The following GPIHBP1 variants were observed in gnomAD, a reference collection of about 807,000 sequenced individuals.
The protein encoded by GPIHBP1 is glycosylphosphatidylinositol-anchored high density lipoprotein-binding protein 1.
GPIHBP1 carries 11 observed loss-of-function variants against 13.0 expected under a neutral mutation model. The observed-to-expected ratio is 0.84, with a 90% CI of 0.53 to 1.40. The LOEUF is 1.40. Ranked by LOEUF, GPIHBP1 falls within the 40% of genes most tolerant of loss-of-function variation. GPIHBP1 has a pLI of 0.00. For synonymous variants in GPIHBP1, 106 were observed against 102.2 expected (o/e 1.04, Z -0.22); for missense variants, 231 against 241.1 (o/e 0.96, Z 0.28).
intron 1 of GPIHBP1, 21 bp downstream of exon 1, chr8:143,213,340 C>A (rs1352987967): frequency 1.9e-6 from 3 of 1,583,574 alleles, no homozygotes; most frequent in African/African-American, 2.7e-5. Flanking sequence ...AAGGGTAACC[C>A]TGCGGTGAGG....
chr8:143,215,442 G>A lies in GPIHBP1; in HGVS notation c.479G>A (p.Ser160Asn). ...AAGGGGGCAGGCGGCCCCCGGGGCA[G>A]CTCCGAAACTGTGGGCGCAGCCCTC... ...TGKGAGGPRG[S>N]SETVGAALLL... The change falls in exon 4 of 4, where the codon AGC becomes AAC. Residue 160 changes from serine to asparagine, a missense_variant. Ser to Asn is a conservative substitution (Grantham distance 46). Transcript: ENST00000622500. 1 of 1,612,538 alleles carries A rather than the reference G, an allele frequency of 6.2e-7. No individual in the cohort carries two copies. The highest frequency in any genetic ancestry group is 8.5e-7 in the Non-Finnish European group (1 of 1,179,934).
chr8:143,214,053 T>G lies in GPIHBP1; in HGVS notation c.181+103T>G. On this transcript the variant is annotated intron_variant, in intron 2 of 3. Transcript: ENST00000622500. This position sits in a 1 kb window ranked among gnomAD's most constrained non-coding sequence, Gnocchi z 4.1. Reference sequence around the variant, plus strand: ...AGCAGGCCACAGTCCTGCTGTGAGCTTGCCTCCAGCAGAGTGGGGGACACT... The same window carrying G: ...AGCAGGCCACAGTCCTGCTGTGAGCGTGCCTCCAGCAGAGTGGGGGACACT... 6.9e-7 allele frequency: 1 copy of G among 1,451,324 alleles called. No individual in the cohort carries two copies. The highest frequency in any genetic ancestry group is 1.4e-5 in the African/African-American group (1 of 71,138). 89.9% of individuals were successfully genotyped at this position (1,451,324 alleles called of 1,614,324 possible).
chr8:143,213,232 G>T lies in GPIHBP1; in HGVS notation c.-36G>T. 6.4e-7 allele frequency: 1 copy of T among 1,574,464 alleles called. No homozygotes were observed. On this transcript the variant is annotated 5_prime_UTR_variant, in exon 1 of 4. It adds an upstream start codon to the 5' untranslated region. Transcript: ENST00000622500. ...ACCGCAGCTCCAGAGCCCTGCGGGA[G>T]GACTCAGAGTCAGGGACACAGCAGC...
intron 1 of GPIHBP1, 23 bp from the exon 2 acceptor site, chr8:143,213,799 T>A: frequency 6.4e-7 from 1 of 1,574,788 alleles, no homozygotes; most frequent in Non-Finnish European, 8.6e-7. Context: ...AGCTGAGGCT[T>A]ACAAGCATCC....
At position 143,216,682 on chromosome 8, in the gene GPIHBP1, C is replaced by T. The variant is rs949416044; in HGVS notation, c.*1164C>T. 6.6e-6 allele frequency: 1 copy of T among 152,210 alleles called. No homozygotes were observed. The highest frequency in any genetic ancestry group is 1.5e-5 in the Non-Finnish European group (1 of 68,060). 9.4% of individuals were successfully genotyped at this position (152,210 alleles called of 1,614,324 possible). A position where few individuals can be genotyped will look rare whatever the true frequency, so the allele number is the denominator to read the frequency against. Reference sequence around the variant, plus strand: ...CCTTCACCAGTAGCTGGTGCCAGGACAGAGCTCTGGGACAGCAGGCAGAGG... The same window carrying T: ...CCTTCACCAGTAGCTGGTGCCAGGATAGAGCTCTGGGACAGCAGGCAGAGG... On this transcript the variant is annotated 3_prime_UTR_variant, in exon 4 of 4. Transcript: ENST00000622500.
At position 143,215,137 on chromosome 8, in the gene GPIHBP1, G is replaced by T. The variant is rs377573186; in HGVS notation, c.295+11G>T. 6.2e-7 allele frequency: 1 copy of T among 1,609,986 alleles called. No homozygotes were observed. The highest frequency in any genetic ancestry group is 2.2e-5 in the East Asian group (1 of 44,856). ...CCCACGGGAACACCGGTAAGTGGGC[G>T]TGGGGCCGCAGCACATGCACCCCCA... On this transcript the variant is annotated intron_variant, in intron 3 of 3. Coordinates refer to ENST00000622500, the MANE Select transcript of GPIHBP1 (RefSeq NM_178172.6).
chr8:143,215,628 G>C lies in GPIHBP1; in HGVS notation c.*110G>C. 1.0e-6 allele frequency: 1 copy of C among 989,376 alleles called. No individual in the cohort carries two copies. Among genetic ancestry groups the C allele is most frequent in the Non-Finnish European group, 1.5e-6 (1 of 682,860 alleles). 61.3% of individuals were successfully genotyped at this position (989,376 alleles called of 1,614,324 possible). ...CAGCTTTGGAGAATGGATTTGGAGT[G>C]TCTTGGGCGATCCAGCCAGCGCAGG... On this transcript the variant is annotated 3_prime_UTR_variant, in exon 4 of 4. Transcript: ENST00000622500.
In GPIHBP1 at chr8:143,215,554, C is replaced by T; in HGVS notation, c.*36C>T. Reference sequence around the variant, plus strand: ...CTCCCCACCCCCACCCGGCTCACCCCCGGCCCTGCCAGCACTCTGTCTGGT... The same window carrying T: ...CTCCCCACCCCCACCCGGCTCACCCTCGGCCCTGCCAGCACTCTGTCTGGT... On this transcript the variant is annotated 3_prime_UTR_variant, in exon 4 of 4. Coordinates refer to ENST00000622500, the MANE Select transcript of GPIHBP1 (RefSeq NM_178172.6). The T allele has an allele frequency of 6.7e-7, 1 of 1,501,702 alleles. No homozygotes were observed. Among genetic ancestry groups the T allele is most frequent in the Non-Finnish European group, 8.9e-7 (1 of 1,118,328 alleles). 93.0% of individuals were successfully genotyped at this position (1,501,702 alleles called of 1,614,324 possible). A position where few individuals can be genotyped will look rare whatever the true frequency, so the allele number is the denominator to read the frequency against.
rs1563711594 is a variant in GPIHBP1, at chr8:143,213,243, CAG to C, written c.-24_-23del. The C allele has an allele frequency of 6.3e-7, 1 of 1,584,906 alleles. No individual in the cohort carries two copies. The highest frequency in any genetic ancestry group is 1.8e-5 in the Admixed American group (1 of 54,624). On this transcript the variant is annotated 5_prime_UTR_variant, in exon 1 of 4. Transcript: ENST00000622500. ...AGAGCCCTGCGGGAGGACTCAGAGT[CAG>C]GGACACAGCAGCGTCCGGCGAGATG... is the stretch of plus-strand genomic sequence containing the variant.
In GPIHBP1 at chr8:143,215,126, G is replaced by T. The variant is rs147455726; in HGVS notation, c.295G>T (p.Glu99Ter). 3 of 1,611,754 alleles carry T rather than the reference G, an allele frequency of 1.9e-6. No individual in the cohort carries two copies. The South Asian group carries it at 3.3e-5, about 18-fold the overall frequency. ...AACCCTCATTGCCCACGGGAACACC[G>T]GTAAGTGGGCGTGGGGCCGCAGCAC... ...CTTLIAHGNT[E>*]SGLLTTHSTW... is the part of the protein sequence containing the mutation. The change falls in exon 3 of 4, where the codon GAG (glutamate) becomes TAG (stop). Residue 99 changes from glutamate (E) to a stop codon, truncating the protein, a stop_gained and splice_region_variant. Coordinates refer to ENST00000622500, the MANE Select transcript of GPIHBP1 (RefSeq NM_178172.6). LOFTEE classifies it low-confidence loss of function (END_TRUNC).
In GPIHBP1 at chr8:143,213,383, C is replaced by T. The variant is rs916266531; in HGVS notation, c.52+64C>T. The T allele has an allele frequency of 9.0e-6, 12 of 1,333,582 alleles. No homozygotes were observed. The Admixed American group carries it at 2.1e-4, about 24-fold the overall frequency. The allele number at this position is 1,333,582 out of a possible 1,614,324, so 82.6% of individuals were successfully genotyped here. ...AACAGCAGTCCTGGAGCACAGGGAC[C>T]TCCAGGGACCCCCAGCAGGGGCTTA... On this transcript the variant is annotated intron_variant, in intron 1 of 3. Coordinates refer to ENST00000622500, the MANE Select transcript of GPIHBP1 (RefSeq NM_178172.6).
At position 143,215,581 on chromosome 8, in the gene GPIHBP1, C is replaced by A; in HGVS notation, c.*63C>A. On this transcript the variant is annotated 3_prime_UTR_variant, in exon 4 of 4. Transcript: ENST00000622500. ...GGCCCTGCCAGCACTCTGTCTGGTA[C>A]CTTCCCCTCCTGCCCCTGCACCAGC... 1 of 1,309,028 alleles carries A rather than the reference C, an allele frequency of 7.6e-7. No individual in the cohort carries two copies. Among genetic ancestry groups the A allele is most frequent in the Non-Finnish European group, 1.0e-6 (1 of 956,802 alleles). The allele number at this position is 1,309,028 out of a possible 1,614,324, so 81.1% of individuals were successfully genotyped here. A position where few individuals can be genotyped will look rare whatever the true frequency, so the allele number is the denominator to read the frequency against.
In GPIHBP1 at chr8:143,215,384, T is replaced by G. The variant is rs1234706208; in HGVS notation, c.421T>G (p.Trp141Gly). The G allele has an allele frequency of 6.2e-7, 1 of 1,612,854 alleles. No individual in the cohort carries two copies. Residue 141 changes from tryptophan (W) to glycine (G), a missense_variant, in exon 4 of 4, where the codon TGG (tryptophan) becomes GGG (glycine). Trp to Gly is a radical substitution (Grantham distance 184, BLOSUM62 -2). Transcript: ENST00000622500. ...CQSSLCNVPP[W>G]QSSRVQDPTG... ...GTCCAGCCTGTGCAATGTCCCACCC[T>G]GGCAAAGCTCCCGAGTCCAGGACCC...
chr8:143,215,260 G>A lies in GPIHBP1; in HGVS notation c.297G>A (p.Glu99=), dbSNP rs1044562943. Residue 99 remains glutamate (E), a splice_region_variant and synonymous_variant, in exon 4 of 4, where the codon GAG becomes GAA. Coordinates refer to ENST00000622500, the MANE Select transcript of GPIHBP1 (RefSeq NM_178172.6). ...CTTGTTCCCCACTCCCCTTCCCAGA[G>A]TCAGGCCTCCTGACCACCCACTCCA... ...CTTLIAHGNT[E]SGLLTTHSTW... The A allele has an allele frequency of 6.2e-7, 1 of 1,612,960 alleles. No individual in the cohort carries two copies. The highest frequency in any genetic ancestry group is 8.5e-7 in the Non-Finnish European group (1 of 1,179,988).
chr8:143,213,481 G>A (rs2130670480), intron 1 of GPIHBP1, among the ~76,000 whole-genome samples, 162 bp downstream of exon 1: 1 of 152,062 alleles, frequency 6.6e-6, no homozygotes, highest in Non-Finnish European at 1.5e-5. Flanking sequence ...GGGTCCCCGA[G>A]AGTCCCCAAA....
In GPIHBP1 at chr8:143,214,978, G is replaced by C. The variant is rs1391172232; in HGVS notation, c.182-35G>C. 1 of 1,432,152 alleles carries C rather than the reference G, an allele frequency of 7.0e-7. No homozygotes were observed. Among genetic ancestry groups the C allele is most frequent in the African/African-American group, 1.4e-5 (1 of 70,740 alleles). 88.7% of individuals were successfully genotyped at this position (1,432,152 alleles called of 1,614,324 possible). A position where few individuals can be genotyped will look rare whatever the true frequency, so the allele number is the denominator to read the frequency against. ...AGGGACGTGGGAGGAGACCCTGGGG[G>C]GCCCGGCCTCGGCCTGAGCCCGCCT... On this transcript the variant is annotated intron_variant, in intron 2 of 3. Transcript: ENST00000622500. The surrounding 1 kb of genome is among the most constrained non-coding windows in gnomAD (Gnocchi z 4.1).
Position 143,214,886 on chromosome 8 carries a change from G to A in GPIHBP1, c.182-127G>A. The A allele has an allele frequency of 1.5e-6, 1 of 678,992 alleles. No homozygotes were observed. Among genetic ancestry groups the A allele is most frequent in the African/African-American group, 1.8e-5 (1 of 56,682 alleles). The allele number at this position is 678,992 out of a possible 1,614,324, so 42.1% of individuals were successfully genotyped here. A position where few individuals can be genotyped will look rare whatever the true frequency, so the allele number is the denominator to read the frequency against. On this transcript the variant is annotated intron_variant, in intron 2 of 3. Coordinates refer to ENST00000622500, the MANE Select transcript of GPIHBP1 (RefSeq NM_178172.6). The surrounding 1 kb of genome is among the most constrained non-coding windows in gnomAD (Gnocchi z 4.1). Reference sequence around the variant, plus strand: ...CAAGTCAGGGGTCGCCCGCCCATCTGAGCAGTGGGTGCTGGAGGCTCACCA... The same window carrying A: ...CAAGTCAGGGGTCGCCCGCCCATCTAAGCAGTGGGTGCTGGAGGCTCACCA...
chr8:143,215,880 A>C lies in GPIHBP1; in HGVS notation c.*362A>C. On this transcript the variant is annotated 3_prime_UTR_variant, in exon 4 of 4. Coordinates refer to ENST00000622500, the MANE Select transcript of GPIHBP1 (RefSeq NM_178172.6). The stretch of plus-strand genomic sequence containing the variant: ...CCCCCACACCCAGTCCTCACCCTTA[A>C]CTTCTGCCATGGGAATTCCTCCATC... 3 of 280,570 alleles carry C rather than the reference A, an allele frequency of 1.1e-5. No homozygotes were observed. The highest frequency in any genetic ancestry group is 4.8e-5 in the Admixed American group (1 of 20,828). The allele number at this position is 280,570 out of a possible 1,614,324, so 17.4% of individuals were successfully genotyped here.
rs1409391250 is a variant in GPIHBP1, at chr8:143,215,664, C to G, written c.*146C>G. 8.8e-6 allele frequency: 6 copies of G among 685,276 alleles called. No individual in the cohort carries two copies. The African/African-American group carries it at 1.1e-4, about 12-fold the overall frequency. 42.4% of individuals were successfully genotyped at this position (685,276 alleles called of 1,614,324 possible). A position where few individuals can be genotyped will look rare whatever the true frequency, so the allele number is the denominator to read the frequency against. On this transcript the variant is annotated 3_prime_UTR_variant, in exon 4 of 4. Coordinates refer to ENST00000622500, the MANE Select transcript of GPIHBP1 (RefSeq NM_178172.6). ...TCCAGCCAGCGCAGGCCCCCCGGCCCGGTTGCTTCCTCAGTTCCCGGCTGT... is the reference window on the plus strand; with the variant it reads ...TCCAGCCAGCGCAGGCCCCCCGGCCGGGTTGCTTCCTCAGTTCCCGGCTGT...
Sources: allele counts gnomAD v4.1 joint callset (sites outside exome capture counted in the v4.1 genomes callset), GRCh38; gene constraint gnomAD v4.1.1; non-coding constraint Gnocchi (gnomAD v3.1); transcripts MANE v1.5; gene names NCBI Gene and HGNC (gene_info 2026-07-23, HGNC 2026-07-21).